The following TP53BP2 variants were observed in gnomAD, a reference collection of about 807,000 sequenced individuals.
TP53BP2 encodes apoptosis-stimulating of p53 protein 2.
A neutral mutation model predicts 126.2 loss-of-function variants in TP53BP2; 62 were observed. The ratio of observed to expected loss-of-function variants is 0.49; its 90% CI spans 0.40 to 0.61. TP53BP2 has a LOEUF of 0.61. TP53BP2 is among the 20% of genes least tolerant of loss of function. TP53BP2 has a pLI of 0.00. For synonymous variants in TP53BP2, 485 were observed against 502.9 expected, an observed-to-expected ratio of 0.96 and a Z score of 0.48; for missense variants, 1,215 against 1,402.8, an observed-to-expected ratio of 0.87 and a Z score of 2.14.
At chr1:223,822,623 T>C (rs1347868317) in intron 1 of TP53BP2, among the ~76,000 whole-genome samples, 1 of 150,628 alleles carries the variant, frequency 6.6e-6, no homozygotes. Flanking sequence ...GAGAAGTGAC[T>C]GCACCACTGC....
At chr1:223,798,136 AT>A in intron 12 of TP53BP2, 78 bp downstream of exon 12, 1 of 1,368,168 alleles carries the variant, frequency 7.3e-7, no homozygotes, top group Non-Finnish European at 1.0e-6. Flanking sequence ...GGGATTAGTT[AT>A]TTTGCTGTCT....
chr1:223,821,644 G>A (rs962186905), intron 1 of TP53BP2, among the ~76,000 whole-genome samples: 5 of 152,124 alleles, frequency 3.3e-5, no homozygotes, highest in African/African-American at 4.8e-5. Context: ...TTTTATTCAT[G>A]TTGTTTGCCA....
intron 11 of TP53BP2, among the ~76,000 whole-genome samples, chr1:223,798,945 G>A (rs534536660): frequency 3.3e-5 from 5 of 152,158 alleles, no homozygotes; most frequent in East Asian, 1.9e-4. Flanking sequence ...GGTGGCGGGC[G>A]CCTGTAGTCC....
rs1366565756 is a variant in TP53BP2, at chr1:223,795,863, C to T, written c.2676G>A (p.Ser892=). The T allele has an allele frequency of 6.3e-6, 10 of 1,589,076 alleles. No individual in the cohort carries two copies. Among genetic ancestry groups the T allele is most frequent in the African/African-American group, 1.4e-5 (1 of 73,660 alleles). Residue 892 remains serine (S), a synonymous_variant, in exon 13 of 18, where the codon TCG becomes TCA. Transcript: ENST00000343537. ...TGATTTCAGGCGGGCGCATGCTCACCGAGTCTTCTCCGGGCCCTTCAGGCT... is the reference window on the plus strand; with the variant it reads ...TGATTTCAGGCGGGCGCATGCTCACTGAGTCTTCTCCGGGCCCTTCAGGCT... ...SGEPEGPGED[S]VSMRPPEITG... is the part of the protein sequence containing the mutation.
Position 223,794,101 on chromosome 1 carries a change from T to C in TP53BP2, c.2725-661A>G, listed in dbSNP as rs116343325. ...GTAAATAATACAGATTATTAGTCTG[T>C]CTTAGGTATAACAAGGATAAATCCT... On this transcript the variant is annotated intron_variant, in intron 13 of 17. Coordinates refer to ENST00000343537, the MANE Select transcript of TP53BP2 (RefSeq NM_001031685.3). 1.4e-3 allele frequency among the ~76,000 whole-genome samples: 211 copies of C among 152,088 alleles called. 1 individual carries two copies. Among genetic ancestry groups the C allele is most frequent in the African/African-American group, 4.8e-3 (200 of 41,472 alleles).
intron 15 of TP53BP2, among the ~76,000 whole-genome samples, chr1:223,790,779 A>C (rs1189510384): frequency 2.0e-5 from 3 of 151,760 alleles, no homozygotes; most frequent in Admixed American, 6.6e-5. Context: ...AATTTTTAAA[A>C]ATTTTTTATA....
At chr1:223,807,880 A>G (rs1207278754) in intron 4 of TP53BP2, among the ~76,000 whole-genome samples, 1 of 152,228 alleles carries the variant, frequency 6.6e-6, no homozygotes. Context: ...TTGATTCAAC[A>G]AAATCTCAAC....
chr1:223,819,162 C>A (rs1663205877), intron 2 of TP53BP2, among the ~76,000 whole-genome samples: 2 of 144,162 alleles, frequency 1.4e-5, no homozygotes, highest in African/African-American at 5.2e-5. Context: ...CCAGTCTGGG[C>A]AACAAGAGCG....
intron 3 of TP53BP2, among the ~76,000 whole-genome samples, chr1:223,812,420 C>T (rs935114174): frequency 3.4e-4 from 52 of 152,136 alleles, no homozygotes; most frequent in African/African-American, 1.3e-3. Flanking sequence ...CTCGCTCTGT[C>T]GCCCAGGCTG....
chr1:223,784,446 C>A (rs904804908), intron 16 of TP53BP2, 132 bp from the exon 17 acceptor site: 6 of 773,022 alleles, frequency 7.8e-6, no homozygotes, highest in Middle Eastern at 3.5e-4. Flanking sequence ...ATTAAATATA[C>A]AATAAAATGT....
chr1:223,791,558 G>A (rs982508176), intron 15 of TP53BP2, among the ~76,000 whole-genome samples: 31 of 152,210 alleles, frequency 2.0e-4, no homozygotes, highest in African/African-American at 6.0e-4. Context: ...AGAGTAATAC[G>A]AGGCTAACTG....
intron 4 of TP53BP2, among the ~76,000 whole-genome samples, chr1:223,808,482 A>G (rs1662797865): frequency 6.6e-6 from 1 of 151,710 alleles, no homozygotes; most frequent in South Asian, 2.1e-4. Context: ...TGGAGGTTGC[A>G]GTGAGCCGAG....
At chr1:223,794,736 GAGGCAC>G in intron 13 of TP53BP2, among the ~76,000 whole-genome samples, 1 of 152,256 alleles carries the variant, frequency 6.6e-6, no homozygotes, top group East Asian at 1.9e-4. Context: ...CAGAACTTAC[GAGGCAC>G]AGGGTTGTTT....
intron 2 of TP53BP2, among the ~76,000 whole-genome samples, chr1:223,815,648 T>C (rs140646547): frequency 7.2e-4 from 110 of 152,340 alleles, no homozygotes; most frequent in African/African-American, 2.5e-3. Flanking sequence ...AGATCAGGCA[T>C]AGGCCTGCAT....
chr1:223,845,524 A>G, intron 1 of TP53BP2, 130 bp downstream of exon 1: 1 of 1,034,966 alleles, frequency 9.7e-7, no homozygotes, highest in Non-Finnish European at 1.3e-6. Flanking sequence ...AAGCTCGGAA[A>G]GCCCCGGCCC....
At chr1:223,825,129 C>A (rs1322064201) in intron 1 of TP53BP2, among the ~76,000 whole-genome samples, 1 of 151,994 alleles carries the variant, frequency 6.6e-6, no homozygotes, top group Non-Finnish European at 1.5e-5. Flanking sequence ...TTATTTAACT[C>A]ATTTTTATTA....
chr1:223,797,076 T>C (rs1662350359), intron 12 of TP53BP2, among the ~76,000 whole-genome samples: 1 of 152,178 alleles, frequency 6.6e-6, no homozygotes, highest in Non-Finnish European at 1.5e-5. Context: ...ACATTCTGAT[T>C]ATATTAAAAT....
intron 4 of TP53BP2, among the ~76,000 whole-genome samples, chr1:223,807,251 T>C (rs2102858564): frequency 6.6e-6 from 1 of 152,346 alleles, no homozygotes; most frequent in East Asian, 1.9e-4. Context: ...ATTACCTTGT[T>C]CTGTAATTTA....
chr1:223,795,698 T>C, intron 13 of TP53BP2, 117 bp downstream of exon 13: 1 of 930,752 alleles, frequency 1.1e-6, no homozygotes, highest in Non-Finnish European at 1.5e-6. Flanking sequence ...AGATCCACTC[T>C]GTGCCAAGGG....
Sources: gnomAD v4.1 joint callset for allele counts (sites outside exome capture counted in the v4.1 genomes callset) on GRCh38, gnomAD v4.1.1 for gene constraint, MANE v1.5 for transcripts, NCBI Gene and HGNC (gene_info 2026-07-23, HGNC 2026-07-21) for gene names.